Variants in TLR1 observed in about 807,000 individuals in gnomAD.
The protein encoded by TLR1 is toll-like receptor 1.
Under a neutral mutation model 20.2 loss-of-function variants are expected in TLR1, and 19 were observed. The observed-to-expected ratio is 0.94, with a 90% CI of 0.66 to 1.38. TLR1 has a LOEUF of 1.38. Ranked by LOEUF, TLR1 falls within the 40% of genes most tolerant of loss-of-function variation. TLR1 has a pLI of 0.00. For synonymous variants in TLR1, 320 were observed against 334.5 expected, an observed-to-expected ratio of 0.96 and a Z score of 0.47; for missense variants, 921 against 910.0, an observed-to-expected ratio of 1.01 and a Z score of -0.16.
chr4:38,797,493 T>G lies in TLR1; in HGVS notation c.1339A>C (p.Ile447Leu), dbSNP rs1265400254. The G allele has an allele frequency of 1.2e-5, 19 of 1,614,090 alleles. No individual in the cohort carries two copies. The highest frequency in any genetic ancestry group is 1.6e-4 in the Middle Eastern group (1 of 6,076). Residue 447 changes from isoleucine (I) to leucine (L), a missense_variant, in exon 4 of 4, where the codon ATC becomes CTC. Ile to Leu is a conservative substitution (Grantham distance 5). Coordinates refer to ENST00000308979, the MANE Select transcript of TLR1 (RefSeq NM_003263.4). Reference sequence around the variant, plus strand: ...TTGCTGTGAAGATCAAGTACCTTGATCCTGGGAGGTAAACATCTGAAAATA... The same window carrying G: ...TTGCTGTGAAGATCAAGTACCTTGAGCCTGGGAGGTAAACATCTGAAAATA... ...DTIFRCLPPR[I>L]KVLDLHSNKI...
At chr4:38,799,913 G>A (rs575999050) in intron 3 of TLR1, among the ~76,000 whole-genome samples, 145 of 152,230 alleles carry the variant, frequency 9.5e-4, no homozygotes, top group African/African-American at 3.1e-3. Flanking sequence ...GATAAAGTCC[G>A]AATTCTCAAG....
intron 2 of TLR1, among the ~76,000 whole-genome samples, chr4:38,803,974 T>C (rs1197097339): frequency 6.6e-6 from 1 of 152,198 alleles, no homozygotes; most frequent in African/African-American, 2.4e-5. Flanking sequence ...ACAATACCCA[T>C]ACAATCTATC....
downstream of TLR1, chr4:38,794,767 G>C (rs977089318): frequency 2.6e-5 from 4 of 151,926 alleles, no homozygotes; most frequent in African/African-American, 9.7e-5. Context: ...AGTGTTCTCT[G>C]ATTGACTGTA....
chr4:38,789,215 T>G (rs1725663556), downstream of TLR1, among the ~76,000 whole-genome samples: 1 of 152,226 alleles, frequency 6.6e-6, no homozygotes, highest in Admixed American at 6.5e-5. Flanking sequence ...CGATGTCATG[T>G]TGGTACCTTG....
intron 2 of TLR1, among the ~76,000 whole-genome samples, chr4:38,802,393 C>T (rs1192671383): frequency 2.0e-5 from 3 of 152,112 alleles, no homozygotes; most frequent in Non-Finnish European, 2.9e-5. Flanking sequence ...CGGACTTCAA[C>T]GGGTATGTGA....
At chr4:38,792,875 A>ATATATATATATATATC (rs1553901942), downstream of TLR1, among the ~76,000 whole-genome samples, 1 of 147,972 alleles carries the variant, frequency 6.8e-6, no homozygotes, top group African/African-American at 2.5e-5. Context: ...ATATATATAT[A>ATATATATATATATATC]TCTCCAAATT....
At position 38,797,528 on chromosome 4, in the gene TLR1, A is replaced by C. The variant is rs1726198391; in HGVS notation, c.1304T>G (p.Leu435Arg). The stretch of plus-strand genomic sequence containing the variant: ...TAAACATCTGAAAATAGTGTCAGTA[A>C]GTATATTTGAAGACATATTTAAACT... ...LLSLNMSSNI[L>R]TDTIFRCLPP... The change falls in exon 4 of 4, where the codon CTT (leucine) becomes CGT (arginine). Residue 435 changes from leucine to arginine, a missense_variant. Leu to Arg is a moderately radical substitution (Grantham distance 102). Transcript: ENST00000308979. 1 of 1,613,992 alleles carries C rather than the reference A, an allele frequency of 6.2e-7. No individual in the cohort carries two copies. Among genetic ancestry groups the C allele is most frequent in the African/African-American group, 1.3e-5 (1 of 74,906 alleles).
At chr4:38,795,470 T>C (rs528502819), downstream of TLR1, among the ~76,000 whole-genome samples, 4 of 152,320 alleles carry the variant, frequency 2.6e-5, no homozygotes, top group South Asian at 8.3e-4. Context: ...AGACAGATGC[T>C]ATATATAGAA....
At chr4:38,793,339 A>T (rs925103428), downstream of TLR1, among the ~76,000 whole-genome samples, 1 of 152,198 alleles carries the variant, frequency 6.6e-6, no homozygotes, top group African/African-American at 2.4e-5. Context: ...CAAATAATGA[A>T]ATCTATGCTT....
In TLR1 at chr4:38,796,879, C is replaced by A. The variant is rs752564378; in HGVS notation, c.1953G>T (p.Val651=). Residue 651 remains valine (V), a synonymous_variant, in exon 4 of 4, where the codon GTG becomes GTT. Transcript: ENST00000308979. The part of the protein sequence containing the change: ...ISYSGHDSFW[V]KNELLPNLEK... The stretch of plus-strand genomic sequence containing the variant: ...CTAGGTTTGGCAATAATTCATTCTT[C>A]ACCCAGAAAGAATCGTGCCCACTAT... 6.2e-7 allele frequency: 1 copy of A among 1,614,206 alleles called. No homozygotes were observed. Among genetic ancestry groups the A allele is most frequent in the Non-Finnish European group, 8.5e-7 (1 of 1,180,036 alleles).
In TLR1 at chr4:38,796,801, C is replaced by G. The variant is rs148014858; in HGVS notation, c.2031G>C (p.Lys677Asn). 1.7e-4 allele frequency: 281 copies of G among 1,614,132 alleles called. 1 individual carries two copies. The highest frequency in any genetic ancestry group is 2.1e-4 in the Non-Finnish European group (246 of 1,180,064). Residue 677 changes from lysine (K) to asparagine (N), a missense_variant, in exon 4 of 4, where the codon AAG (lysine) becomes AAC (asparagine). Coordinates refer to ENST00000308979, the MANE Select transcript of TLR1 (RefSeq NM_003263.4). ...AGGTGATGATATTTTCCACAATGCT[C>G]TTGCCAGGAACAAAGTTTCTCTCAT... ...CLHERNFVPG[K>N]SIVENIITCI...
At chr4:38,799,101 T>G (rs763287548) in intron 3 of TLR1, among the ~76,000 whole-genome samples, 12 of 152,208 alleles carry the variant, frequency 7.9e-5, no homozygotes, top group Non-Finnish European at 1.6e-4. Context: ...AGTTTTAATA[T>G]GGATGGTGTA....
At chr4:38,791,465 A>G (rs564661790), downstream of TLR1, among the ~76,000 whole-genome samples, 1 of 152,268 alleles carries the variant, frequency 6.6e-6, no homozygotes, top group African/African-American at 2.4e-5. Flanking sequence ...ATATACATGA[A>G]TTTTATCTAT....
At chr4:38,791,423 A>C (rs893578542), downstream of TLR1, among the ~76,000 whole-genome samples, 1 of 152,196 alleles carries the variant, frequency 6.6e-6, no homozygotes, top group Admixed American at 6.5e-5. Flanking sequence ...TGGAGATCTT[A>C]GTGCTTTTCT....
In TLR1 at chr4:38,798,356, A is replaced by G; in HGVS notation, c.476T>C (p.Ile159Thr). The change falls in exon 4 of 4, where the codon ATT becomes ACT. Residue 159 changes from isoleucine to threonine, a missense_variant. Physicochemically the swap from Ile to Thr is moderately conservative, Grantham distance 89. Coordinates refer to ENST00000308979, the MANE Select transcript of TLR1 (RefSeq NM_003263.4). ...GACCTTGCTGATATTCAAATGAGCAATTGGCAGCACACTAGATTTTTCTAA... is the reference window on the plus strand; with the variant it reads ...GACCTTGCTGATATTCAAATGAGCAGTTGGCAGCACACTAGATTTTTCTAA... ...THLEKSSVLP[I>T]AHLNISKVLL... 4 of 1,613,984 alleles carry G rather than the reference A, an allele frequency of 2.5e-6. No individual in the cohort carries two copies. Among genetic ancestry groups the G allele is most frequent in the Non-Finnish European group, 3.4e-6 (4 of 1,179,964 alleles).
chr4:38,796,388 T>C lies in TLR1; in HGVS notation c.*83A>G, dbSNP rs1579199084. On this transcript the variant is annotated 3_prime_UTR_variant, in exon 4 of 4. Coordinates refer to ENST00000308979, the MANE Select transcript of TLR1 (RefSeq NM_003263.4). ...ACACTCACAATTGTGTTTACATCTA[T>C]GCTGATGCAAAATAAAGTCATTGTT... 2 of 1,467,120 alleles carry C rather than the reference T, an allele frequency of 1.4e-6. No homozygotes were observed. The highest frequency in any genetic ancestry group is 1.4e-5 in the African/African-American group (1 of 71,470). 90.9% of individuals were successfully genotyped at this position (1,467,120 alleles called of 1,614,324 possible).
chr4:38,792,855 A>ATATATATATATATATATATATATATC (rs1560452047), downstream of TLR1, among the ~76,000 whole-genome samples: 2 of 117,230 alleles, frequency 1.7e-5, no homozygotes, highest in Admixed American at 8.1e-5. Flanking sequence ...TTTTCAAATT[A>ATATATATATATATATATATATATATC]TATATATATA....
At chr4:38,794,012 T>C (rs1725874959), downstream of TLR1, among the ~76,000 whole-genome samples, 1 of 152,092 alleles carries the variant, frequency 6.6e-6, no homozygotes. Context: ...TAGAAATGGA[T>C]CCTTCCCTCT....
In TLR1 at chr4:38,801,387, C is replaced by T. The variant is rs575730261; in HGVS notation, c.-159-439G>A. On this transcript the variant is annotated intron_variant, in intron 2 of 3. Transcript: ENST00000308979. ...GATCTTAGACTTCTACCTTCCAGAA[C>T]TGTGAAAAGTAAGTGTCTGTTGTTT... Among the ~76,000 whole-genome samples, 7 of 152,330 alleles carry T rather than the reference C, an allele frequency of 4.6e-5. No individual in the cohort carries two copies. The South Asian group carries it at 1.4e-3, about 32-fold the overall frequency.
Sources: gnomAD v4.1 joint callset for allele counts (sites outside exome capture counted in the v4.1 genomes callset) on GRCh38, gnomAD v4.1.1 for gene constraint, MANE v1.5 for transcripts, NCBI Gene and HGNC (gene_info 2026-07-23, HGNC 2026-07-21) for gene names.